Variants in ANXA4 observed in about 807,000 individuals in gnomAD.
ANXA4 encodes the protein annexin A4.
In ANXA4, 39 loss-of-function variants were observed where a neutral mutation model predicts 49.8. The ratio of observed to expected loss-of-function variants is 0.78; its 90% CI spans 0.61 to 1.02. ANXA4 has a LOEUF of 1.02. Among genes scored for constraint, ANXA4 ranks in the 50% least tolerant of loss-of-function variants. The pLI is 0.00. For missense variants in ANXA4, 360 were observed against 410.1 expected (o/e 0.88, Z 1.05); for synonymous variants, 134 against 152.5 (o/e 0.88, Z 0.89).
intron 1 of ANXA4, among the ~76,000 whole-genome samples, chr2:69,648,348 C>T (rs1458384118): frequency 2.6e-5 from 4 of 152,150 alleles, no homozygotes; most frequent in Non-Finnish European, 2.9e-5. Context: ...CGTCTTTTAG[C>T]GAAGTGGAAC....
chr2:69,705,307 G>GA (rs1214253723), intron 2 of ANXA4, among the ~76,000 whole-genome samples: 2 of 151,044 alleles, frequency 1.3e-5, no homozygotes, highest in African/African-American at 2.4e-5. Context: ...AAAAAAGAAA[G>GA]AAAAAAAAAG....
At chr2:69,679,946 C>T (rs1677540618) in intron 2 of ANXA4, among the ~76,000 whole-genome samples, 1 of 152,160 alleles carries the variant, frequency 6.6e-6, no homozygotes, top group Non-Finnish European at 1.5e-5. Flanking sequence ...TGTGATGCCT[C>T]TTGCTTTGTT....
chr2:69,697,809 A>C (rs942853382), intron 2 of ANXA4, among the ~76,000 whole-genome samples: 2 of 152,056 alleles, frequency 1.3e-5, no homozygotes, highest in Admixed American at 6.6e-5. Context: ...TGGTGCCCTA[A>C]ACATTAACAA....
chr2:69,670,492 C>T (rs1677135675), intron 2 of ANXA4, among the ~76,000 whole-genome samples: 1 of 149,596 alleles, frequency 6.7e-6, no homozygotes. Flanking sequence ...ATAGAGATGG[C>T]GACTGGTCCA....
At chr2:69,720,104 C>A (rs772479315) in intron 2 of ANXA4, among the ~76,000 whole-genome samples, 13 of 152,196 alleles carry the variant, frequency 8.5e-5, no homozygotes, top group Non-Finnish European at 1.5e-4. Context: ...AATAAGCAAG[C>A]AGACTAGAGA....
intron 3 of ANXA4, among the ~76,000 whole-genome samples, chr2:69,729,734 G>A (rs960685838): frequency 3.9e-5 from 6 of 151,932 alleles, no homozygotes; most frequent in Non-Finnish European, 5.9e-5. Flanking sequence ...TATTTCACAC[G>A]AAGTGATTTA....
At chr2:69,660,667 T>C (rs1187046624) in intron 2 of ANXA4, among the ~76,000 whole-genome samples, 1 of 150,948 alleles carries the variant, frequency 6.6e-6, no homozygotes, top group East Asian at 1.9e-4. Context: ...AAAGACATAA[T>C]CACCAAAATT....
intron 2 of ANXA4, among the ~76,000 whole-genome samples, chr2:69,663,408 T>A (rs961718307): frequency 7.2e-6 from 1 of 138,364 alleles, no homozygotes; most frequent in Non-Finnish European, 1.5e-5. Flanking sequence ...AAAGATAGAA[T>A]CCAAAACACG....
intron 2 of ANXA4, among the ~76,000 whole-genome samples, chr2:69,707,819 G>C (rs1284323385): frequency 2.0e-5 from 3 of 152,126 alleles, no homozygotes; most frequent in African/African-American, 7.2e-5. Flanking sequence ...TCAAATACTA[G>C]GTCTTATTCG....
intron 1 of ANXA4, among the ~76,000 whole-genome samples, chr2:69,746,117 T>C (rs1670601455): frequency 6.6e-6 from 1 of 152,154 alleles, no homozygotes; most frequent in Non-Finnish European, 1.5e-5. Context: ...GTTCAAGTGA[T>C]TCTCCTGCCT....
chr2:69,825,229 C>T (rs1432652051), intron 12 of ANXA4, among the ~76,000 whole-genome samples: 5 of 151,942 alleles, frequency 3.3e-5, no homozygotes, highest in Non-Finnish European at 7.4e-5. Flanking sequence ...CACATCAAAA[C>T]GGTAAGAATA....
rs1271991693 is a variant in ANXA4 at position 69,747,839 on chromosome 2, CTTA to C, written c.-47+5679_-47+5681del. On this transcript the variant is annotated intron_variant, in intron 1 of 12. Transcript: ENST00000394295. Reference sequence around the variant, plus strand: ...TAGCTGGGACTACAGGCATGCCCAGCTTATTATTATTATTATTTAAAAATTTTG... The same window carrying C: ...TAGCTGGGACTACAGGCATGCCCAGCTTATTATTATTATTTAAAAATTTTG... Among the ~76,000 whole-genome samples the C allele has an allele frequency of 1.2e-4, 18 of 151,882 alleles. No homozygotes were observed. In the South Asian group the frequency reaches 2.7e-3, roughly 23 times the overall value.
At chr2:69,819,485 A>C (rs1674140120) in intron 11 of ANXA4, 147 bp downstream of exon 11, 3 of 624,388 alleles carry the variant, frequency 4.8e-6, no homozygotes, top group Non-Finnish European at 8.5e-6. Flanking sequence ...GCTAATAATA[A>C]TACTAGGTGA....
At chr2:69,696,790 A>C (rs897349912) in intron 2 of ANXA4, among the ~76,000 whole-genome samples, 1 of 152,214 alleles carries the variant, frequency 6.6e-6, no homozygotes, top group Non-Finnish European at 1.5e-5. Flanking sequence ...GACTAGGTGC[A>C]TTGTCAAGAA....
intron 2 of ANXA4, among the ~76,000 whole-genome samples, chr2:69,702,487 G>A (rs530888510): frequency 5.3e-5 from 8 of 152,148 alleles, no homozygotes; most frequent in South Asian, 2.1e-4. Context: ...CTTGGGAGGC[G>A]GAGGTGGGTG....
At chr2:69,685,694 G>C (rs776506844) in intron 2 of ANXA4, among the ~76,000 whole-genome samples, 6 of 152,214 alleles carry the variant, frequency 3.9e-5, no homozygotes, top group Non-Finnish European at 7.3e-5. Context: ...AAATCTATCA[G>C]TGAGAATAAG....
chr2:69,771,109 G>GAAAAAAAAAAAA (rs70954358), intron 1 of ANXA4, among the ~76,000 whole-genome samples: 1 of 104,750 alleles, frequency 9.5e-6, no homozygotes, highest in Non-Finnish European at 2.0e-5. Context: ...AAAAAAAAAA[G>GAAAAAAAAAAAA]AAAAAAAAAA....
chr2:69,659,233 T>A (rs1477873627), intron 2 of ANXA4, among the ~76,000 whole-genome samples: 1 of 152,204 alleles, frequency 6.6e-6, no homozygotes, highest in Non-Finnish European at 1.5e-5. Flanking sequence ...AGAGATAGCA[T>A]CTAGAAACAT....
chr2:69,780,139 G>C (rs1171383520), intron 1 of ANXA4, among the ~76,000 whole-genome samples: 1 of 152,166 alleles, frequency 6.6e-6, no homozygotes, highest in Non-Finnish European at 1.5e-5. Context: ...GGGGAATCTT[G>C]TAAAAATGCA....
Sources: allele counts gnomAD v4.1 joint callset (sites outside exome capture counted in the v4.1 genomes callset), GRCh38; gene constraint gnomAD v4.1.1; transcripts MANE v1.5; gene names NCBI Gene and HGNC (gene_info 2026-07-23, HGNC 2026-07-21).